MYO16: variants seen among roughly 807,000 people sequenced by gnomAD.
MYO16 encodes myosin XVI.
In MYO16, 94 loss-of-function variants were observed where a neutral mutation model predicts 205.3. That is an observed-to-expected ratio of 0.46 (90% confidence interval 0.39 to 0.54). The LOEUF (loss-of-function observed/expected upper bound fraction) is 0.54. MYO16 is among the 20% of genes least tolerant of loss of function. The probability of loss-of-function intolerance (pLI) is 0.00; values close to 1 mark genes in which losing one functional copy is unlikely to be tolerated. For missense variants in MYO16, 2,315 were observed against 2,387.5 expected (o/e 0.97, Z 0.63); for synonymous variants, 988 against 954.0 (o/e 1.04, Z -0.66).
At chr13:108,957,170 G>C (rs913439353) in intron 16 of MYO16, among the ~76,000 whole-genome samples, 97 of 152,048 alleles carry the variant, frequency 6.4e-4, no homozygotes, top group African/African-American at 2.3e-3. Context: ...TGGATCACAA[G>C]GTCAGGAGTT....
intron 34 of MYO16, among the ~76,000 whole-genome samples, chr13:109,195,207 A>G (rs1880100987): frequency 6.6e-6 from 1 of 152,174 alleles, no homozygotes; most frequent in Non-Finnish European, 1.5e-5. Context: ...ACTATTGTCC[A>G]GATATAGCTC....
chr13:108,675,233 G>T (rs1882150545), intron 2 of MYO16, among the ~76,000 whole-genome samples: 1 of 152,178 alleles, frequency 6.6e-6, no homozygotes, highest in Non-Finnish European at 1.5e-5. Context: ...CTACATCAGA[G>T]ATTTGTATGG....
the MYO16 span, among the ~76,000 whole-genome samples, chr13:108,535,038 CTCT>C: frequency 4.6e-3 from 683 of 148,138 alleles, 6 homozygotes; most frequent in African/African-American, 0.016. Flanking sequence ...CTCCTCCTTC[CTCT>C]TCTTCTTCCT....
At chr13:108,504,473 A>C in the MYO16 span, among the ~76,000 whole-genome samples, 4 of 151,558 alleles carry the variant, frequency 2.6e-5, no homozygotes, top group Admixed American at 6.6e-5. Context: ...CTCTACACCC[A>C]TTGAACAACA....
chr13:109,050,868 T>C (rs1455987817), intron 24 of MYO16, among the ~76,000 whole-genome samples: 1 of 141,564 alleles, frequency 7.1e-6, no homozygotes, highest in Non-Finnish European at 1.6e-5. Flanking sequence ...CTCTTGACTT[T>C]TTTTTTTTTT....
At chr13:108,612,177 G>A (rs1028770799) in intron 1 of MYO16, among the ~76,000 whole-genome samples, 5 of 151,864 alleles carry the variant, frequency 3.3e-5, no homozygotes, top group Admixed American at 6.6e-5. Flanking sequence ...TGACTCTTCT[G>A]CAGCTCCTCT....
At chr13:109,100,763 C>A (rs1304245610) in intron 27 of MYO16, 22 bp from the exon 28 acceptor site, 2 of 1,574,678 alleles carry the variant, frequency 1.3e-6, no homozygotes, top group South Asian at 2.2e-5. Flanking sequence ...TCATTGCTTT[C>A]TGTCTCTGCT....
intron 16 of MYO16, among the ~76,000 whole-genome samples, chr13:108,946,353 A>C (rs1882940760): frequency 2.6e-5 from 4 of 152,156 alleles, no homozygotes; most frequent in Admixed American, 2.6e-4. Flanking sequence ...CCTTTGACCA[A>C]AGGAAACGAG....
At chr13:108,903,899 A>G (rs921452128) in intron 15 of MYO16, among the ~76,000 whole-genome samples, 4 of 152,166 alleles carry the variant, frequency 2.6e-5, no homozygotes, top group Non-Finnish European at 4.4e-5. Flanking sequence ...CAGGTCAAAT[A>G]AGTGTTGATT....
chr13:109,069,013 A>T (rs1221989629), intron 27 of MYO16, among the ~76,000 whole-genome samples: 1 of 152,176 alleles, frequency 6.6e-6, no homozygotes, highest in Non-Finnish European at 1.5e-5. Context: ...TCCCATCCCA[A>T]ACCTTGCCCT....
At chr13:109,050,408 C>T (rs192696944) in intron 24 of MYO16, among the ~76,000 whole-genome samples, 4 of 152,136 alleles carry the variant, frequency 2.6e-5, no homozygotes, top group East Asian at 1.9e-4. Flanking sequence ...ACATCACATT[C>T]GGAGGCAGTC....
chr13:108,574,241 C>A, the MYO16 span, among the ~76,000 whole-genome samples: 1 of 152,142 alleles, frequency 6.6e-6, no homozygotes, highest in Admixed American at 6.5e-5. Flanking sequence ...TGACTTATGT[C>A]TCTTGTTGGC....
intron 5 of MYO16, among the ~76,000 whole-genome samples, chr13:108,787,008 C>T (rs9583291): frequency 0.32 from 48,837 of 152,128 alleles, 8,131 homozygotes; most frequent in African/African-American, 0.39. Context: ...TATTTGGATC[C>T]TTGCCAGACT....
At chr13:109,022,873 G>T (rs1331300987) in intron 23 of MYO16, among the ~76,000 whole-genome samples, 1 of 132,778 alleles carries the variant, frequency 7.5e-6, no homozygotes, top group Non-Finnish European at 1.5e-5. Flanking sequence ...ATATAAACAT[G>T]TATATATTTA....
intron 27 of MYO16, among the ~76,000 whole-genome samples, chr13:109,084,465 A>T (rs145081942): frequency 1.3e-5 from 2 of 152,306 alleles, no homozygotes; most frequent in East Asian, 3.9e-4. Context: ...ATGAATGGCT[A>T]TGAAATTGCA....
At chr13:109,126,005 C>T (rs1876230423) in intron 30 of MYO16, among the ~76,000 whole-genome samples, 1 of 152,200 alleles carries the variant, frequency 6.6e-6, no homozygotes, top group Non-Finnish European at 1.5e-5. Flanking sequence ...TGAATCACAA[C>T]ACCCCTAAGA....
At chr13:109,003,847 C>T (rs549208800) in intron 21 of MYO16, among the ~76,000 whole-genome samples, 1 of 152,266 alleles carries the variant, frequency 6.6e-6, no homozygotes, top group South Asian at 2.1e-4. Flanking sequence ...TGATCGAAAG[C>T]AGTTTTTGTA....
chr13:108,844,318 G>T (rs1289215842), intron 9 of MYO16, 25 bp from the exon 10 acceptor site: 5 of 1,594,302 alleles, frequency 3.1e-6, no homozygotes, highest in Admixed American at 1.7e-5. Context: ...GAGACTAATT[G>T]TAGTATTGAT....
intron 4 of MYO16, among the ~76,000 whole-genome samples, chr13:108,747,853 T>C (rs188140390): frequency 6.6e-6 from 1 of 152,126 alleles, no homozygotes; most frequent in Non-Finnish European, 1.5e-5. Context: ...ATGCCAATAT[T>C]AATCAAAAGA....
Sources: gnomAD v4.1 joint callset for allele counts (sites outside exome capture counted in the v4.1 genomes callset) on GRCh38, gnomAD v4.1.1 for gene constraint, MANE v1.5 for transcripts, NCBI Gene and HGNC (gene_info 2026-07-23, HGNC 2026-07-21) for gene names.